The following CDC20B variants were observed in gnomAD, a reference collection of about 807,000 sequenced individuals.
CDC20B encodes cell division cycle protein 20 homolog B.
A neutral mutation model predicts 64.1 loss-of-function variants in CDC20B; 58 were observed. The ratio of observed to expected loss-of-function variants is 0.90; its 90% confidence interval spans 0.73 to 1.13. The LOEUF is 1.13. Ranked by LOEUF, CDC20B falls within the 50% of genes most tolerant of loss-of-function variation. The pLI, the probability that CDC20B is intolerant of heterozygous loss-of-function variation, is 0.00. For missense variants in CDC20B, 597 were observed against 633.0 expected (o/e 0.94, Z 0.61); for synonymous variants, 243 against 230.6 (o/e 1.05, Z -0.49).
At chr5:55,164,313 T>C in intron 2 of CDC20B, 2 of 914,568 alleles carry the variant, frequency 2.2e-6, no homozygotes, top group Non-Finnish European at 3.0e-6. Context: ...TGTCTCACTC[T>C]GTCACCCAGG....
chr5:55,114,324 GGAA>G lies in CDC20B; in HGVS notation c.1460-9_1460-7del, dbSNP rs1336579078. ...CAGCACTCTGCCCCTGTGGCCTGGG[GGAA>G]GAAGGAAAGACAGTTCATACTCCTC... On this transcript the variant is annotated splice_region_variant and splice_polypyrimidine_tract_variant and intron_variant, in intron 11 of 11. Transcript: ENST00000381375. This position sits in a 1 kb window ranked among gnomAD's most constrained non-coding sequence, Gnocchi z 4.1. The G allele has an allele frequency of 6.2e-7, 1 of 1,613,166 alleles. No homozygotes were observed. Among genetic ancestry groups the G allele is most frequent in the African/African-American group, 1.3e-5 (1 of 74,888 alleles).
chr5:55,171,537 T>C (rs1478245613), intron 2 of CDC20B, among the ~76,000 whole-genome samples: 1 of 152,176 alleles, frequency 6.6e-6, no homozygotes, highest in Non-Finnish European at 1.5e-5. Context: ...CTACTAGAAA[T>C]GACATTAGTA....
At chr5:55,159,041 T>C (rs1743904907) in intron 2 of CDC20B, among the ~76,000 whole-genome samples, 1 of 152,118 alleles carries the variant, frequency 6.6e-6, no homozygotes. Flanking sequence ...TGTTCTGATT[T>C]TAAGATAGTC....
chr5:55,160,106 T>A (rs952741626), intron 2 of CDC20B: 2 of 950,706 alleles, frequency 2.1e-6, no homozygotes, highest in African/African-American at 1.6e-5. Flanking sequence ...CTGTCCTTCC[T>A]GGTTTTCCGT....
At chr5:55,123,187 G>A (rs575748638) in intron 9 of CDC20B, among the ~76,000 whole-genome samples, 10 of 152,240 alleles carry the variant, frequency 6.6e-5, no homozygotes, top group African/African-American at 2.2e-4. Flanking sequence ...AATGTTTTCA[G>A]TCAAAATAAA....
intron 6 of CDC20B, among the ~76,000 whole-genome samples, chr5:55,132,727 A>T (rs191853240): frequency 7.0e-4 from 106 of 152,292 alleles, no homozygotes; most frequent in East Asian, 1.9e-3. Flanking sequence ...AAATTTCTGA[A>T]TTTGAATTTT....
In CDC20B at chr5:55,114,083, CAGG is replaced by C. The variant is rs1299531021; in HGVS notation, c.*132_*134del. 2.2e-6 allele frequency: 3 copies of C among 1,374,828 alleles called. No homozygotes were observed. The highest frequency in any genetic ancestry group is 1.5e-5 in the African/African-American group (1 of 67,952). 85.2% of individuals were successfully genotyped at this position (1,374,828 alleles called of 1,614,324 possible). On this transcript the variant is annotated 3_prime_UTR_variant, in exon 12 of 12. Coordinates refer to ENST00000381375, the MANE Select transcript of CDC20B (RefSeq NM_001170402.1). This position sits in a 1 kb window ranked among gnomAD's most constrained non-coding sequence, Gnocchi z 4.1. The stretch of plus-strand genomic sequence containing the variant: ...AGTAAAGCAATCTGCAAAAGAAGAA[CAGG>C]AGAACAGGCATTCACATCAAGAAGA...
At chr5:55,128,350 G>T in intron 7 of CDC20B, 71 bp downstream of exon 7, 4 of 1,207,470 alleles carry the variant, frequency 3.3e-6, no homozygotes, top group South Asian at 1.6e-5. Context: ...ACATTAACTT[G>T]TTATTAAAAG....
chr5:55,156,666 G>A (rs919371836), intron 2 of CDC20B, among the ~76,000 whole-genome samples: 1 of 152,088 alleles, frequency 6.6e-6, no homozygotes, highest in Non-Finnish European at 1.5e-5. Flanking sequence ...ACGAGATCAG[G>A]AGTTCATGAC....
chr5:55,136,356 C>T (rs1393233452), intron 5 of CDC20B: 2 of 151,692 alleles, frequency 1.3e-5, no homozygotes, highest in Admixed American at 6.6e-5. Flanking sequence ...GGCCAGAGTT[C>T]AAGACCAGCC....
chr5:55,153,106 G>T (rs142277886), intron 2 of CDC20B, among the ~76,000 whole-genome samples: 3,350 of 152,102 alleles, frequency 0.022, 147 homozygotes, highest in African/African-American at 0.077. Flanking sequence ...GGGCACGGTG[G>T]TGTGTGCCTA....
At chr5:55,160,438 T>C (rs1368618691) in intron 2 of CDC20B, 1 of 1,514,624 alleles carries the variant, frequency 6.6e-7, no homozygotes, top group Non-Finnish European at 9.1e-7. Context: ...CATTTTTCCT[T>C]GTCTCTGTTT....
intron 9 of CDC20B, among the ~76,000 whole-genome samples, chr5:55,121,512 AT>A (rs1230113713): frequency 2.0e-5 from 3 of 151,498 alleles, no homozygotes; most frequent in Admixed American, 1.3e-4. Context: ...GGAAAGGAGT[AT>A]TTTTTTTGTT....
intron 2 of CDC20B, chr5:55,160,370 G>A (rs1474989214): frequency 6.2e-7 from 1 of 1,612,648 alleles, no homozygotes; most frequent in Non-Finnish European, 8.5e-7. Flanking sequence ...AGGAAGAACT[G>A]TTTCTCTGGA....
At chr5:55,142,113 G>T (rs1743345751) in intron 4 of CDC20B, among the ~76,000 whole-genome samples, 1 of 152,154 alleles carries the variant, frequency 6.6e-6, no homozygotes, top group Admixed American at 6.5e-5. Flanking sequence ...GGGTGCAGGG[G>T]TGCTCTTTCC....
chr5:55,150,631 C>T (rs1743637423), intron 2 of CDC20B, among the ~76,000 whole-genome samples: 1 of 152,186 alleles, frequency 6.6e-6, no homozygotes, highest in Non-Finnish European at 1.5e-5. Context: ...TGAAAAGAGG[C>T]TGTACATGTC....
chr5:55,133,489 T>G lies in CDC20B; in HGVS notation c.620A>C (p.Lys207Thr). The change falls in exon 6 of 12, where the codon AAA (lysine) becomes ACA (threonine). Residue 207 changes from lysine to threonine, a missense_variant. Lys to Thr is a moderately conservative substitution (Grantham distance 78). Coordinates refer to ENST00000381375, the MANE Select transcript of CDC20B (RefSeq NM_001170402.1). ...GGAATCGTTTATATCACCAGAACTT[T>G]TAAGATGGAAGGATTCATCTCTGAC... is the stretch of plus-strand genomic sequence containing the variant. ...DGVRDESFHLKSSGDINDSIL... is the reference protein window; with the variant it reads ...DGVRDESFHLTSSGDINDSIL... 6.3e-7 allele frequency: 1 copy of G among 1,578,052 alleles called. No homozygotes were observed. Among genetic ancestry groups the G allele is most frequent in the Non-Finnish European group, 8.7e-7 (1 of 1,155,858 alleles).
intron 2 of CDC20B, chr5:55,160,306 A>G: frequency 6.2e-7 from 1 of 1,614,002 alleles, no homozygotes; most frequent in Non-Finnish European, 8.5e-7. Context: ...TACAACTAAA[A>G]TTCCTCAAAC....
At chr5:55,130,239 T>C (rs1244081354) in intron 6 of CDC20B, among the ~76,000 whole-genome samples, 1 of 151,966 alleles carries the variant, frequency 6.6e-6, no homozygotes, top group East Asian at 1.9e-4. Flanking sequence ...AAATATAATA[T>C]CTGAAAAATT....
Sources: gnomAD v4.1 joint callset for allele counts (sites outside exome capture counted in the v4.1 genomes callset) on GRCh38, gnomAD v4.1.1 for gene constraint, Gnocchi (gnomAD v3.1) non-coding constraint, MANE v1.5 for transcripts, NCBI Gene and HGNC (gene_info 2026-07-23, HGNC 2026-07-21) for gene names.